The following CYP2J2 variants were observed in gnomAD, a reference collection of about 807,000 sequenced individuals.
CYP2J2 encodes cytochrome P450 2J2.
Under a neutral mutation model 48.8 loss-of-function variants are expected in CYP2J2, and 41 were observed. The observed-to-expected ratio is 0.84, with a 90% CI of 0.66 to 1.09. The LOEUF (loss-of-function observed/expected upper bound fraction) is 1.09. Among genes scored for constraint, CYP2J2 ranks in the 50% least tolerant of loss-of-function variants. The pLI is 0.00. For missense variants in CYP2J2, 644 were observed against 617.3 expected (o/e 1.04, Z -0.46); for synonymous variants, 221 against 227.1 (o/e 0.97, Z 0.24).
chr1:59,940,884 A>C, the CYP2J2 span, among the ~76,000 whole-genome samples: 9 of 152,242 alleles, frequency 5.9e-5, no homozygotes, highest in Admixed American at 1.3e-4. Context: ...TAAGCCAGGC[A>C]CAGAAAGACA....
chr1:59,893,351 C>T lies in CYP2J2; in HGVS notation c.*300G>A, dbSNP rs1644239459. ...GATGTGTTTTATGGTTTACAAACCA[C>T]TTAAAGCTCACCATTTCTTTTGATT... is the stretch of plus-strand genomic sequence containing the variant. On this transcript the variant is annotated 3_prime_UTR_variant, in exon 9 of 9. Coordinates refer to ENST00000371204, the MANE Select transcript of CYP2J2 (RefSeq NM_000775.4). 1 of 279,324 alleles carries T rather than the reference C, an allele frequency of 3.6e-6. No homozygotes were observed. The allele number at this position is 279,324 out of a possible 1,614,324, so 17.3% of individuals were successfully genotyped here.
chr1:59,926,460 C>G, intron 1 of CYP2J2, 77 bp downstream of exon 1: 1 of 1,274,058 alleles, frequency 7.8e-7, no homozygotes, highest in Admixed American at 1.7e-5. Context: ...CCACCCCACC[C>G]ACGTTGCCGG....
upstream of CYP2J2, among the ~76,000 whole-genome samples, chr1:59,929,449 G>A (rs1012859217): frequency 3.9e-5 from 6 of 152,144 alleles, no homozygotes; most frequent in African/African-American, 1.4e-4. Context: ...GATGTCAAAC[G>A]TAGCAAAGAC....
At chr1:59,925,236 A>C (rs1052556611) in intron 1 of CYP2J2, among the ~76,000 whole-genome samples, 23 of 152,166 alleles carry the variant, frequency 1.5e-4, no homozygotes, top group African/African-American at 5.5e-4. Flanking sequence ...AATTGATAGA[A>C]TAAGTAGATA....
At chr1:59,926,900 G>A (rs1644571530), upstream of CYP2J2, 2 of 673,298 alleles carry the variant, frequency 3.0e-6, no homozygotes, top group South Asian at 3.8e-5. Context: ...ATTCCCGGGA[G>A]GACACGCACC....
At chr1:59,957,474 A>G in the CYP2J2 span, among the ~76,000 whole-genome samples, 1 of 152,120 alleles carries the variant, frequency 6.6e-6, no homozygotes, top group Non-Finnish European at 1.5e-5. Context: ...GAAGCACAAG[A>G]GCTCTGAACT....
intron 8 of CYP2J2, 74 bp from the exon 9 acceptor site, chr1:59,893,903 T>A (rs1312438224): frequency 1.4e-6 from 2 of 1,412,980 alleles, no homozygotes; most frequent in Non-Finnish European, 1.9e-6. Context: ...CTATCCTCAA[T>A]CATATCCCCA....
At chr1:59,913,032 C>T (rs1238924938) in intron 2 of CYP2J2, 3 of 152,224 alleles carry the variant, frequency 2.0e-5, no homozygotes, top group African/African-American at 7.2e-5. Context: ...CACTCCTCAA[C>T]ACCTTTTAAT....
intron 1 of CYP2J2, 131 bp from the exon 2 acceptor site, chr1:59,916,231 G>A: frequency 1.6e-6 from 1 of 642,174 alleles, no homozygotes; most frequent in Non-Finnish European, 2.6e-6. Context: ...GTACGTGTGT[G>A]TGTGTGTGTG....
At chr1:59,927,863 A>C (rs947388506), upstream of CYP2J2, among the ~76,000 whole-genome samples, 1 of 152,192 alleles carries the variant, frequency 6.6e-6, no homozygotes, top group African/African-American at 2.4e-5. Flanking sequence ...GTGAGCAAGA[A>C]ATGAAATGAG....
the CYP2J2 span, among the ~76,000 whole-genome samples, chr1:59,935,037 T>TATATACACAAC: frequency 1.0e-5 from 1 of 96,208 alleles, no homozygotes. Flanking sequence ...TATATATATA[T>TATATACACAAC]ATATATATAT....
Position 59,907,826 on chromosome 1 carries a change from T to G in CYP2J2, c.963A>C (p.Arg321=), listed in dbSNP as rs148966191. 4 of 1,613,904 alleles carry G rather than the reference T, an allele frequency of 2.5e-6. No homozygotes were observed. The highest frequency in any genetic ancestry group is 3.4e-6 in the Non-Finnish European group (4 of 1,179,982). ...AGAGGGCCATATAAAGCAGAGCCCA[T>G]CGCAGAGTTGTGGAAGTTGTCTCGG... is the stretch of plus-strand genomic sequence containing the variant. ...AGTETTSTTL[R]WALLYMALYP... is the part of the protein sequence containing the mutation. The change falls in exon 6 of 9, where the codon CGA becomes CGC. Residue 321 remains arginine (R), a synonymous_variant. Transcript: ENST00000371204.
At chr1:59,968,732 A>G in the CYP2J2 span, among the ~76,000 whole-genome samples, 1 of 152,218 alleles carries the variant, frequency 6.6e-6, no homozygotes. Flanking sequence ...CAGGTCACTG[A>G]GACAGCAATT....
chr1:59,905,120 T>C (rs1574249719), intron 6 of CYP2J2, 62 bp from the exon 7 acceptor site: 1 of 1,506,170 alleles, frequency 6.6e-7, no homozygotes, highest in Non-Finnish European at 9.0e-7. Context: ...TAAAGAGGTA[T>C]GAGTGGTCTC....
the CYP2J2 span, among the ~76,000 whole-genome samples, chr1:59,939,439 G>GTC: frequency 8.9e-4 from 136 of 152,020 alleles, no homozygotes; most frequent in African/African-American, 3.0e-3. Context: ...AACAAATAGA[G>GTC]TCTCTCTCTC....
chr1:59,902,679 T>A (rs1419787419), intron 7 of CYP2J2, among the ~76,000 whole-genome samples: 3 of 152,166 alleles, frequency 2.0e-5, no homozygotes, highest in Non-Finnish European at 4.4e-5. Context: ...CCTCCCAAAG[T>A]GCTGAGATTA....
chr1:59,904,996 G>T lies in CYP2J2; in HGVS notation c.1066C>A (p.Arg356=). ...GCATTGGTGTAGGGCATGGACTCCCGGGCGGCTGTGCTCGGCTGCTGCCCC... is the reference window on the plus strand; with the variant it reads ...GCATTGGTGTAGGGCATGGACTCCCTGGCGGCTGTGCTCGGCTGCTGCCCC... The part of the protein sequence containing the change: ...GQGQQPSTAA[R]ESMPYTNAVI... Residue 356 remains arginine, a synonymous_variant, in exon 7 of 9, where the codon CGG becomes AGG. Coordinates refer to ENST00000371204, the MANE Select transcript of CYP2J2 (RefSeq NM_000775.4). 6.2e-7 allele frequency: 1 copy of T among 1,613,894 alleles called. No homozygotes were observed.
At chr1:59,957,096 G>A in the CYP2J2 span, among the ~76,000 whole-genome samples, 1 of 152,118 alleles carries the variant, frequency 6.6e-6, no homozygotes, top group Non-Finnish European at 1.5e-5. Context: ...AGAATTCTTG[G>A]CCCACAGAAA....
chr1:59,947,933 G>GTC, the CYP2J2 span, among the ~76,000 whole-genome samples: 8 of 152,146 alleles, frequency 5.3e-5, no homozygotes, highest in Admixed American at 5.2e-4. Context: ...TAACCCTTGT[G>GTC]TCTCTGCCAC....
Sources: gnomAD v4.1 joint callset for allele counts (sites outside exome capture counted in the v4.1 genomes callset) on GRCh38, gnomAD v4.1.1 for gene constraint, MANE v1.5 for transcripts, NCBI Gene and HGNC (gene_info 2026-07-23, HGNC 2026-07-21) for gene names.